ENGASE: variants seen among roughly 807,000 people sequenced by gnomAD.
The protein encoded by ENGASE is endo-beta-N-acetylglucosaminidase.
A neutral mutation model predicts 78.5 loss-of-function variants in ENGASE; 69 were observed. That is an observed-to-expected ratio of 0.88 (90% confidence interval 0.72 to 1.07). The LOEUF (loss-of-function observed/expected upper bound fraction) is 1.07. ENGASE is among the 50% of genes least tolerant of loss of function. The pLI is 0.00. For synonymous variants in ENGASE, 408 were observed against 408.9 expected (o/e 1.00, Z 0.03); for missense variants, 943 against 988.4 (o/e 0.95, Z 0.62).
At chr17:79,084,803 C>G (rs1301601764) in intron 11 of ENGASE, 117 bp downstream of exon 11, 1 of 1,158,578 alleles carries the variant, frequency 8.6e-7, no homozygotes. Context: ...GGGGGTACAT[C>G]CTGCCTTTGC....
In ENGASE at chr17:79,080,220, G is replaced by A. The variant is rs62063824; in HGVS notation, c.579G>A (p.Thr193=). The part of the protein sequence containing the change: ...HGVCVLGTFI[T]EWNEGGRLCE... ...CTATCCTCACAGGGACTTTCATCAC[G>A]GAGTGGAATGAAGGGGGAAGGCTCT... The change falls in exon 5 of 14, where the codon ACG becomes ACA. Residue 193 remains threonine, a synonymous_variant. Coordinates refer to ENST00000579016, the MANE Select transcript of ENGASE (RefSeq NM_001042573.3). 102,065 of 1,601,528 alleles carry A rather than the reference G, an allele frequency of 0.064. 3,861 individuals carry two copies. Among genetic ancestry groups the A allele is most frequent in the Non-Finnish European group, 0.073 (85,746 of 1,172,788 alleles).
chr17:79,086,311 T>TG lies in ENGASE; in HGVS notation c.2198dup (p.Arg734GlnfsTer15), dbSNP rs1298175845. The TG allele has an allele frequency of 2.5e-6, 4 of 1,613,258 alleles. No homozygotes were observed. Among genetic ancestry groups the TG allele is most frequent in the South Asian group, 2.2e-5 (2 of 91,082 alleles). On this transcript the variant is annotated frameshift_variant, in exon 14 of 14. Transcript: ENST00000579016. LOFTEE classifies it high-confidence loss of function. ...AGGGTTCCGGGTACCTCAGGCCGAGTGGGGCAGGGCAGTTCTGCTTTATTC... is the reference window on the plus strand; with the variant it reads ...AGGGTTCCGGGTACCTCAGGCCGAGTGGGGGCAGGGCAGTTCTGCTTTATTC...
At chr17:79,079,395 T>C in intron 3 of ENGASE, 94 bp from the exon 4 acceptor site, 4 of 1,434,908 alleles carry the variant, frequency 2.8e-6, no homozygotes, top group Non-Finnish European at 2.8e-6. Flanking sequence ...CTTAAACTCC[T>C]GGGCTCAAGT....
At position 79,074,910 on chromosome 17, in the gene ENGASE, C is replaced by A; in HGVS notation, c.-35C>A. 1 of 1,254,576 alleles carries A rather than the reference C, an allele frequency of 8.0e-7. No individual in the cohort carries two copies. Among genetic ancestry groups the A allele is most frequent in the Non-Finnish European group, 1.0e-6 (1 of 998,940 alleles). 77.7% of individuals were successfully genotyped at this position (1,254,576 alleles called of 1,614,324 possible). A position where few individuals can be genotyped will look rare whatever the true frequency, so the allele number is the denominator to read the frequency against. On this transcript the variant is annotated 5_prime_UTR_variant, in exon 1 of 14. Coordinates refer to ENST00000579016, the MANE Select transcript of ENGASE (RefSeq NM_001042573.3). ...AGCGCGGCGCGGGGGCGGGCCCGGG[C>A]CTGCGATTGCCTCTCGGCGTGCGCG...
At chr17:79,078,690 T>G (rs911820889) in intron 3 of ENGASE, among the ~76,000 whole-genome samples, 1 of 152,228 alleles carries the variant, frequency 6.6e-6, no homozygotes, top group African/African-American at 2.4e-5. Context: ...AAAACAATCT[T>G]GGACCCTGTG....
At position 79,083,092 on chromosome 17, in the gene ENGASE, GAGA is replaced by G. The variant is rs1452093748; in HGVS notation, c.1117_1119del (p.Lys373del). The G allele has an allele frequency of 5.6e-6, 9 of 1,613,842 alleles. No homozygotes were observed. Among genetic ancestry groups the G allele is most frequent in the South Asian group, 1.1e-5 (1 of 91,058 alleles). On this transcript the variant is annotated inframe_deletion, in exon 8 of 14. Transcript: ENST00000579016. This position sits in a 1 kb window ranked among gnomAD's most constrained non-coding sequence, Gnocchi z 4.9. ...CCCCGGCTGGGTGTATGAGTGTCTGGAGAAGAAGGATTTCTTCCAGAACCAGGA... is the reference window on the plus strand; with the variant it reads ...CCCCGGCTGGGTGTATGAGTGTCTGGAGAAGGATTTCTTCCAGAACCAGGA...
chr17:79,079,892 G>A (rs141692994), intron 4 of ENGASE, among the ~76,000 whole-genome samples: 65 of 152,374 alleles, frequency 4.3e-4, no homozygotes, highest in Non-Finnish European at 6.6e-4. Flanking sequence ...AGGCAGGGCC[G>A]TGTTCCAGTA....
intron 4 of ENGASE, among the ~76,000 whole-genome samples, chr17:79,079,879 A>G (rs2073080461): frequency 6.6e-6 from 1 of 152,256 alleles, no homozygotes; most frequent in African/African-American, 2.4e-5. Flanking sequence ...CAGGTACACA[A>G]ATAGGCAGGG....
chr17:79,086,462 G>A lies in ENGASE; in HGVS notation c.*113G>A. On this transcript the variant is annotated 3_prime_UTR_variant, in exon 14 of 14. Coordinates refer to ENST00000579016, the MANE Select transcript of ENGASE (RefSeq NM_001042573.3). Reference sequence around the variant, plus strand: ...TGCCCACAGTGGCAGCGAGGTCCCGGTCCCGGGGCTGGGGTGGGAGACCCC... The same window carrying A: ...TGCCCACAGTGGCAGCGAGGTCCCGATCCCGGGGCTGGGGTGGGAGACCCC... The A allele has an allele frequency of 7.5e-7, 1 of 1,338,210 alleles. No homozygotes were observed. The highest frequency in any genetic ancestry group is 9.9e-7 in the Non-Finnish European group (1 of 1,006,138). The allele number at this position is 1,338,210 out of a possible 1,614,324, so 82.9% of individuals were successfully genotyped here. A position where few individuals can be genotyped will look rare whatever the true frequency, so the allele number is the denominator to read the frequency against.
chr17:79,087,946 A>G lies in ENGASE; in HGVS notation c.*1597A>G, dbSNP rs571368049. ...GATTAGGGGTTCTGTGCTCTTGCCT[A>G]ATTAGGAACATTCTCCCATGTCTCT... is the stretch of plus-strand genomic sequence containing the variant. On this transcript the variant is annotated 3_prime_UTR_variant, in exon 14 of 14. Coordinates refer to ENST00000579016, the MANE Select transcript of ENGASE (RefSeq NM_001042573.3). 1 of 152,224 alleles carries G rather than the reference A, an allele frequency of 6.6e-6. No homozygotes were observed. Among genetic ancestry groups the G allele is most frequent in the East Asian group, 1.9e-4 (1 of 5,160 alleles). The allele number at this position is 152,224 out of a possible 1,614,324, so 9.4% of individuals were successfully genotyped here. A position where few individuals can be genotyped will look rare whatever the true frequency, so the allele number is the denominator to read the frequency against.
chr17:79,080,400 T>G (rs770091811), intron 5 of ENGASE, 36 bp downstream of exon 5: 7 of 1,602,336 alleles, frequency 4.4e-6, no homozygotes, highest in African/African-American at 1.3e-5. Flanking sequence ...CCCCGCCCCT[T>G]GCTGTGTTGC....
intron 13 of ENGASE, 25 bp from the exon 14 acceptor site, chr17:79,085,908 C>A (rs371286447): frequency 6.3e-7 from 1 of 1,581,552 alleles, no homozygotes. Context: ...GGCGTCCAGC[C>A]GTGCTGAGCC....
chr17:79,081,238 C>G (rs993039736), intron 6 of ENGASE, among the ~76,000 whole-genome samples, 165 bp downstream of exon 6: 1 of 152,206 alleles, frequency 6.6e-6, no homozygotes, highest in East Asian at 1.9e-4. Flanking sequence ...CGCAGTGGCT[C>G]ATGTCTGTAA....
intron 2 of ENGASE, 72 bp downstream of exon 2, chr17:79,077,569 C>T: frequency 1.3e-6 from 2 of 1,559,450 alleles, no homozygotes; most frequent in East Asian, 2.2e-5. Context: ...AGCCCCTGCC[C>T]CCTCTCATGT....
Position 79,087,222 on chromosome 17 carries a change from A to C in ENGASE, c.*873A>C. ...GGAAGCAGCACCTGCCCCCCGCGCC[A>C]GCCCAGCCCCAGCCTGAGTGCAGGA... On this transcript the variant is annotated 3_prime_UTR_variant, in exon 14 of 14. Coordinates refer to ENST00000579016, the MANE Select transcript of ENGASE (RefSeq NM_001042573.3). 1 of 360,658 alleles carries C rather than the reference A, an allele frequency of 2.8e-6. No homozygotes were observed. Among genetic ancestry groups the C allele is most frequent in the Non-Finnish European group, 5.6e-6 (1 of 179,636 alleles). The allele number at this position is 360,658 out of a possible 1,614,324, so 22.3% of individuals were successfully genotyped here. A position where few individuals can be genotyped will look rare whatever the true frequency, so the allele number is the denominator to read the frequency against.
At position 79,083,429 on chromosome 17, in the gene ENGASE, A is replaced by G; in HGVS notation, c.1143-53A>G. 1 of 1,407,196 alleles carries G rather than the reference A, an allele frequency of 7.1e-7. No individual in the cohort carries two copies. The highest frequency in any genetic ancestry group is 1.2e-5 in the South Asian group (1 of 83,046). 87.2% of individuals were successfully genotyped at this position (1,407,196 alleles called of 1,614,324 possible). A position where few individuals can be genotyped will look rare whatever the true frequency, so the allele number is the denominator to read the frequency against. On this transcript the variant is annotated intron_variant, in intron 8 of 13. Transcript: ENST00000579016. The surrounding 1 kb of genome is among the most constrained non-coding windows in gnomAD (Gnocchi z 4.9). Reference sequence around the variant, plus strand: ...CCACCAGCAAGTTTGAGGGACACTGAGAGGCTCCCTCCCTTCCTCCGGACC... The same window carrying G: ...CCACCAGCAAGTTTGAGGGACACTGGGAGGCTCCCTCCCTTCCTCCGGACC...
chr17:79,086,298 A>G lies in ENGASE; in HGVS notation c.2181A>G (p.Val727=). Residue 727 remains valine, a synonymous_variant, in exon 14 of 14, where the codon GTA becomes GTG. Coordinates refer to ENST00000579016, the MANE Select transcript of ENGASE (RefSeq NM_001042573.3). The part of the protein sequence containing the change: ...VEPVPKEGFR[V]PQAEWGRAVL... ...CTGTCCCCAAGGAAGGGTTCCGGGT[A>G]CCTCAGGCCGAGTGGGGCAGGGCAG... The G allele has an allele frequency of 6.2e-7, 1 of 1,613,518 alleles. No individual in the cohort carries two copies. Among genetic ancestry groups the G allele is most frequent in the Non-Finnish European group, 8.5e-7 (1 of 1,180,008 alleles).
Position 79,086,887 on chromosome 17 carries a change from A to G in ENGASE, c.*538A>G. ...GGATGCCCTGGAGAACCGTCCTCCC[A>G]GTGTGGAAGGCCCTTTTCCCTGAGG... On this transcript the variant is annotated 3_prime_UTR_variant, in exon 14 of 14. Transcript: ENST00000579016. 2.2e-6 allele frequency: 1 copy of G among 454,594 alleles called. No homozygotes were observed. The highest frequency in any genetic ancestry group is 7.0e-5 in the East Asian group (1 of 14,370). 28.2% of individuals were successfully genotyped at this position (454,594 alleles called of 1,614,324 possible). A position where few individuals can be genotyped will look rare whatever the true frequency, so the allele number is the denominator to read the frequency against.
In ENGASE at chr17:79,080,973, C is replaced by A; in HGVS notation, c.772C>A (p.Gln258Lys). 6.2e-7 allele frequency: 1 copy of A among 1,613,566 alleles called. No individual in the cohort carries two copies. Among genetic ancestry groups the A allele is most frequent in the Non-Finnish European group, 8.5e-7 (1 of 1,179,982 alleles). ...TCCTTTCCTGCGGTACCTCACCACACAGCTGCACCGGCAGGTCCCAGGGGG... is the reference window on the plus strand; with the variant it reads ...TCCTTTCCTGCGGTACCTCACCACAAAGCTGCACCGGCAGGTCCCAGGGGG... ...MPPFLRYLTT[Q>K]LHRQVPGGLV... The change falls in exon 6 of 14, where the codon CAG becomes AAG. Residue 258 changes from glutamine (Q) to lysine (K), a missense_variant. Gln to Lys is a moderately conservative substitution (Grantham distance 53, BLOSUM62 1). Transcript: ENST00000579016.
Sources: allele counts gnomAD v4.1 joint callset (sites outside exome capture counted in the v4.1 genomes callset), GRCh38; gene constraint gnomAD v4.1.1; non-coding constraint Gnocchi (gnomAD v3.1); transcripts MANE v1.5; gene names NCBI Gene and HGNC (gene_info 2026-07-23, HGNC 2026-07-21).